CASP5: variants seen among roughly 807,000 people sequenced by gnomAD.
CASP5 encodes caspase-5.
Under a neutral mutation model 45.2 loss-of-function variants are expected in CASP5, and 42 were observed. The ratio of observed to expected loss-of-function variants is 0.93; its 90% CI spans 0.73 to 1.20. The LOEUF (loss-of-function observed/expected upper bound fraction) is 1.20. Among genes scored for constraint, CASP5 ranks in the 50% most tolerant of loss-of-function variants. CASP5 has a pLI of 0.00. For synonymous variants in CASP5, 209 were observed against 186.2 expected (o/e 1.12, Z -1.00); for missense variants, 512 against 532.2 (o/e 0.96, Z 0.37).
Position 104,995,911 on chromosome 11 carries a change from C to T in CASP5, c.1207-69G>A, listed in dbSNP as rs917654375. The T allele has an allele frequency of 4.8e-5, 46 of 950,798 alleles. No homozygotes were observed. The African/African-American group carries it at 6.8e-4, about 14-fold the overall frequency. 58.9% of individuals were successfully genotyped at this position (950,798 alleles called of 1,614,324 possible). On this transcript the variant is annotated intron_variant, in intron 8 of 9. Coordinates refer to ENST00000260315, the MANE Select transcript of CASP5 (RefSeq NM_004347.5). ...CTCAGAATGCATCTTACACCATGAA[C>T]CAGGAAATGCCTGAATGAAGAGAGC...
In CASP5 at chr11:105,023,001, A is replaced by G. The variant is rs138722600; in HGVS notation, c.7+129T>C. ...ATTCAAACTACATACCACCAATAAG[A>G]GAAAGATTCAGCATGCACACTATTG... On this transcript the variant is annotated intron_variant, in intron 1 of 9. Transcript: ENST00000260315. 17 of 824,770 alleles carry G rather than the reference A, an allele frequency of 2.1e-5. No individual in the cohort carries two copies. In the East Asian group the frequency reaches 4.0e-4, roughly 19 times the overall value. 51.1% of individuals were successfully genotyped at this position (824,770 alleles called of 1,614,324 possible). A position where few individuals can be genotyped will look rare whatever the true frequency, so the allele number is the denominator to read the frequency against.
intron 1 of CASP5, among the ~76,000 whole-genome samples, chr11:105,020,191 G>A (rs986068514): frequency 1.4e-5 from 2 of 147,178 alleles, no homozygotes; most frequent in African/African-American, 4.9e-5. Flanking sequence ...CAAACCCACA[G>A]CCAATATCAT....
At chr11:105,003,966 C>T (rs935698728) in intron 3 of CASP5, among the ~76,000 whole-genome samples, 1 of 151,862 alleles carries the variant, frequency 6.6e-6, no homozygotes, top group African/African-American at 2.4e-5. Context: ...GGGACAACAT[C>T]CCATTTTGGA....
chr11:105,017,050 G>A (rs1366051477), intron 1 of CASP5, among the ~76,000 whole-genome samples: 2 of 151,750 alleles, frequency 1.3e-5, no homozygotes, highest in Non-Finnish European at 2.9e-5. Context: ...GGGGCAGACT[G>A]ACACCTCACA....
chr11:105,001,336 C>T (rs577994126), intron 5 of CASP5, among the ~76,000 whole-genome samples: 8 of 152,328 alleles, frequency 5.3e-5, no homozygotes, highest in African/African-American at 1.9e-4. Flanking sequence ...AGGAAAAGCT[C>T]TTGGCCCCAA....
chr11:104,996,664 G>T (rs1407324133), intron 8 of CASP5, among the ~76,000 whole-genome samples: 1 of 152,048 alleles, frequency 6.6e-6, no homozygotes, highest in East Asian at 1.9e-4. Flanking sequence ...TATATGTCAG[G>T]CATATTGAGG....
intron 3 of CASP5, 92 bp downstream of exon 3, chr11:105,006,991 T>C (rs1862028393): frequency 9.6e-7 from 1 of 1,044,584 alleles, no homozygotes; most frequent in Non-Finnish European, 1.4e-6. Context: ...GAAATGAAAC[T>C]GTAGGTAGAT....
At position 104,999,034 on chromosome 11, in the gene CASP5, G is replaced by A. The variant is rs540897946; in HGVS notation, c.953-6C>T. 1.3e-6 allele frequency: 2 copies of A among 1,583,322 alleles called. No homozygotes were observed. The highest frequency in any genetic ancestry group is 2.0e-5 in the Admixed American group (1 of 51,082). ...CCAGAGTTCCCCATGTTTTTCTGTA[G>A]AGACATCAACTTTCTTTTTTTTTTA... On this transcript the variant is annotated splice_region_variant and splice_polypyrimidine_tract_variant and intron_variant, in intron 6 of 9. Transcript: ENST00000260315.
chr11:105,004,569 A>T (rs1861911593), intron 3 of CASP5, among the ~76,000 whole-genome samples: 1 of 152,208 alleles, frequency 6.6e-6, no homozygotes, highest in Non-Finnish European at 1.5e-5. Context: ...CCCAACCAAG[A>T]CATAGGAATC....
At chr11:105,002,850 C>G (rs1396176486) in intron 4 of CASP5, among the ~76,000 whole-genome samples, 1 of 152,140 alleles carries the variant, frequency 6.6e-6, no homozygotes. Context: ...CTGAAAGCAT[C>G]TATCATAAAG....
chr11:104,995,838 T>A lies in CASP5; in HGVS notation c.1211A>T (p.Gln404Leu), dbSNP rs1861444730. 1 of 1,607,822 alleles carries A rather than the reference T, an allele frequency of 6.2e-7. No individual in the cohort carries two copies. The highest frequency in any genetic ancestry group is 8.5e-7 in the Non-Finnish European group (1 of 1,174,702). The stretch of plus-strand genomic sequence containing the variant: ...AGCCTGTGGAACTTCAAATGATTTC[T>A]GTACCTAAAAGAAAAAACAGTAGAT... ...CHLMEIFRKV[Q>L]KSFEVPQAKA... The change falls in exon 9 of 10, where the codon CAG (glutamine) becomes CTG (leucine). Residue 404 changes from glutamine (Q) to leucine (L), a missense_variant. Physicochemically the swap from Gln to Leu is moderately radical, Grantham distance 113. Transcript: ENST00000260315.
rs572448346 is a variant in CASP5, at chr11:105,020,640, G to C, written c.7+2490C>G. On this transcript the variant is annotated intron_variant, in intron 1 of 9. Coordinates refer to ENST00000260315, the MANE Select transcript of CASP5 (RefSeq NM_004347.5). ...TCTTCAAGGAGAACTACAAACCACT[G>C]CTCAAGGAAATAAAAGAGGGTACAA... 4.6e-5 allele frequency among the ~76,000 whole-genome samples: 7 copies of C among 151,512 alleles called. No individual in the cohort carries two copies. The South Asian group carries it at 1.3e-3, about 27-fold the overall frequency.
intron 5 of CASP5, among the ~76,000 whole-genome samples, chr11:105,001,801 T>C (rs1861742370): frequency 6.6e-6 from 1 of 152,150 alleles, no homozygotes; most frequent in Non-Finnish European, 1.5e-5. Context: ...GCCAATCATA[T>C]TTTGTCTAGT....
chr11:105,008,799 A>T lies in CASP5; in HGVS notation c.181+8T>A. On this transcript the variant is annotated splice_region_variant and intron_variant, in intron 2 of 9. Transcript: ENST00000260315. Reference sequence around the variant, plus strand: ...TGGAAATATCCATTGTAAAATATCCAGTCTTACTTTTTACACTGGTCGACT... The same window carrying T: ...TGGAAATATCCATTGTAAAATATCCTGTCTTACTTTTTACACTGGTCGACT... 1 of 1,584,322 alleles carries T rather than the reference A, an allele frequency of 6.3e-7. No homozygotes were observed. Among genetic ancestry groups the T allele is most frequent in the Non-Finnish European group, 8.6e-7 (1 of 1,157,226 alleles).
At position 105,002,146 on chromosome 11, in the gene CASP5, T is replaced by A. The variant is rs188726405; in HGVS notation, c.599A>T (p.Asn200Ile). 97 of 1,614,172 alleles carry A rather than the reference T, an allele frequency of 6.0e-5. No homozygotes were observed. Among genetic ancestry groups the A allele is most frequent in the Admixed American group, 3.5e-4 (21 of 60,020 alleles). ...DRRRLALIIC[N>I]TKFDHLPARN... ...TGCAGGCAGGTGATCAAACTTTGTATTGCATATGATGAGAGCCAGGCGTCT... is the reference window on the plus strand; with the variant it reads ...TGCAGGCAGGTGATCAAACTTTGTAATGCATATGATGAGAGCCAGGCGTCT... Residue 200 changes from asparagine (N) to isoleucine (I), a missense_variant, in exon 5 of 10, where the codon AAT becomes ATT. Asn to Ile is a moderately radical substitution (Grantham distance 149). Transcript: ENST00000260315.
chr11:105,010,427 A>G (rs1447024215), intron 1 of CASP5, among the ~76,000 whole-genome samples: 1 of 131,068 alleles, frequency 7.6e-6, no homozygotes, highest in Non-Finnish European at 1.6e-5. Flanking sequence ...TTATACTCAT[A>G]TAATAAATCA....
chr11:105,003,501 G>GTAACCCCTAAATTA, intron 3 of CASP5, 118 bp from the exon 4 acceptor site: 1 of 583,260 alleles, frequency 1.7e-6, no homozygotes, highest in Non-Finnish European at 3.0e-6. Context: ...TTATATTTAG[G>GTAACCCCTAAATTA]GGTTATAGCT....
At position 105,002,236 on chromosome 11, in the gene CASP5, C is replaced by G. The variant is rs368209542; in HGVS notation, c.544-35G>C. 1.9e-6 allele frequency: 3 copies of G among 1,606,708 alleles called. No homozygotes were observed. The African/African-American group carries it at 4.0e-5, about 22-fold the overall frequency. On this transcript the variant is annotated intron_variant, in intron 4 of 9. Transcript: ENST00000260315. The stretch of plus-strand genomic sequence containing the variant: ...ATGGAGATGAAGCAACTTTGATTAC[C>G]CGAGTCTCTTTTCAACCCCCATATG...
intron 7 of CASP5, 80 bp from the exon 8 acceptor site, chr11:104,997,572 G>A (rs945012253): frequency 6.5e-6 from 5 of 771,034 alleles, no homozygotes; most frequent in Non-Finnish European, 1.1e-5. Flanking sequence ...TGCATAGCTT[G>A]AGAATTTACT....
Sources: allele counts gnomAD v4.1 joint callset (sites outside exome capture counted in the v4.1 genomes callset), GRCh38; gene constraint gnomAD v4.1.1; transcripts MANE v1.5; gene names NCBI Gene and HGNC (gene_info 2026-07-23, HGNC 2026-07-21).